The following SLC10A6 variants were observed in gnomAD, a reference collection of about 807,000 sequenced individuals.
SLC10A6 encodes sodium-dependent organic anion transporter.
Under a neutral mutation model 30.0 loss-of-function variants are expected in SLC10A6, and 27 were observed. That is an observed-to-expected ratio of 0.90 (90% CI 0.66 to 1.24). The LOEUF (loss-of-function observed/expected upper bound fraction) is 1.24. Ranked by LOEUF, SLC10A6 falls within the 50% of genes most tolerant of loss-of-function variation. The pLI, the probability that SLC10A6 is intolerant of heterozygous loss-of-function variation, is 0.00. For missense variants in SLC10A6, 439 were observed against 457.0 expected (o/e 0.96, Z 0.36); for synonymous variants, 166 against 173.8 (o/e 0.95, Z 0.36).
intron 1 of SLC10A6, among the ~76,000 whole-genome samples, chr4:86,846,679 T>C (rs1578761819): frequency 2.0e-5 from 3 of 152,086 alleles, no homozygotes; most frequent in African/African-American, 7.2e-5. Context: ...CGAGCCGAGA[T>C]CGCACCATTG....
At chr4:86,828,213 T>C (rs1560458230) in intron 3 of SLC10A6, 45 bp from the exon 4 acceptor site, 1 of 1,584,394 alleles carries the variant, frequency 6.3e-7, no homozygotes, top group South Asian at 1.2e-5. Flanking sequence ...CAGGGTTTTT[T>C]GCTCTATGAT....
chr4:86,837,503 G>T (rs1746222142), intron 1 of SLC10A6: 3 of 635,044 alleles, frequency 4.7e-6, no homozygotes, highest in Admixed American at 6.3e-5. Flanking sequence ...AGAAAAGAAA[G>T]CTCCCAAATG....
rs553840273 is a variant in SLC10A6 at position 86,831,194 on chromosome 4, A to G, written c.585+598T>C. Among the ~76,000 whole-genome samples the G allele has an allele frequency of 1.4e-3, 209 of 152,320 alleles. 1 individual carries two copies. Among genetic ancestry groups the G allele is most frequent in the Non-Finnish European group, 1.3e-3 (90 of 68,022 alleles). ...AGACATTTGCTTGTTTCTCCAGCAG[A>G]CAAAGGGCAGGACTGCAAAGACAAG... On this transcript the variant is annotated intron_variant, in intron 3 of 5. Coordinates refer to ENST00000273905, the MANE Select transcript of SLC10A6 (RefSeq NM_197965.3).
In SLC10A6 at chr4:86,828,024, G is replaced by A. The variant is rs147765094; in HGVS notation, c.730C>T (p.Leu244=). The A allele has an allele frequency of 5.6e-6, 9 of 1,613,688 alleles. No homozygotes were observed. The highest frequency in any genetic ancestry group is 1.3e-5 in the African/African-American group (1 of 74,876). The change falls in exon 4 of 6, where the codon CTG becomes TTG. Residue 244 remains leucine (L), a synonymous_variant. Transcript: ENST00000273905. ...CAAGACTGGTGGGTAAAAAGTGCCA[G>A]CAGAAAACCCGTGACATGGCCAATC... The part of the protein sequence containing the change: ...PLIGHVTGFL[L]ALFTHQSWQR...
intron 1 of SLC10A6, among the ~76,000 whole-genome samples, chr4:86,842,807 T>TTTCC (rs1452615311): frequency 8.9e-5 from 1 of 11,254 alleles, no homozygotes. Context: ...TCTTTCTTTC[T>TTTCC]TTCTTTCTTT....
chr4:86,837,294 G>GAAAAAGA (rs1560460401), intron 1 of SLC10A6, among the ~76,000 whole-genome samples: 48 of 68,676 alleles, frequency 7.0e-4, no homozygotes, highest in Admixed American at 1.0e-3. Context: ...AAAAAGAAAG[G>GAAAAAGA]AAGGAAGGAA....
intron 1 of SLC10A6, among the ~76,000 whole-genome samples, chr4:86,843,272 G>A (rs1278483897): frequency 1.3e-5 from 2 of 152,078 alleles, no homozygotes. Flanking sequence ...CTACCTGGCT[G>A]GTACTGTGCA....
intron 1 of SLC10A6, among the ~76,000 whole-genome samples, chr4:86,845,546 T>G (rs1034664358): frequency 6.6e-6 from 1 of 152,182 alleles, no homozygotes; most frequent in African/African-American, 2.4e-5. Flanking sequence ...GGTCAGGATT[T>G]GAATATAGGC....
rs147128571 is a variant in SLC10A6, at chr4:86,824,776, C to T, written c.919+644G>A. 3.6e-3 allele frequency among the ~76,000 whole-genome samples: 541 copies of T among 152,158 alleles called. 3 individuals are homozygous for T. Among genetic ancestry groups the T allele is most frequent in the African/African-American group, 0.012 (515 of 41,512 alleles). On this transcript the variant is annotated intron_variant, in intron 5 of 5. Coordinates refer to ENST00000273905, the MANE Select transcript of SLC10A6 (RefSeq NM_197965.3). ...TTTCTATTATTGCCATCTTTATGTC[C>T]ATGAGCACCCAATGTTTAGCTCCCA... is the stretch of plus-strand genomic sequence containing the variant.
At chr4:86,824,740 G>T (rs987948493) in intron 5 of SLC10A6, among the ~76,000 whole-genome samples, 1 of 151,912 alleles carries the variant, frequency 6.6e-6, no homozygotes, top group Non-Finnish European at 1.5e-5. Context: ...CCCTCTTCTA[G>T]TAGTCCCCAG....
At chr4:86,834,472 C>T (rs1460769369) in intron 1 of SLC10A6, among the ~76,000 whole-genome samples, 1 of 152,148 alleles carries the variant, frequency 6.6e-6, no homozygotes, top group Non-Finnish European at 1.5e-5. Flanking sequence ...TTTTTATGTC[C>T]TTATTCTATT....
In SLC10A6 at chr4:86,849,274, T is replaced by G; in HGVS notation, c.-159A>C. ...GGTGATTCATCCTAATCTGATCAAT[T>G]TTTTCACAAGTGGCATTATAAAAGT... On this transcript the variant is annotated 5_prime_UTR_variant, in exon 1 of 6. Coordinates refer to ENST00000273905, the MANE Select transcript of SLC10A6 (RefSeq NM_197965.3). 1.2e-6 allele frequency: 1 copy of G among 809,568 alleles called. No individual in the cohort carries two copies. Among genetic ancestry groups the G allele is most frequent in the Non-Finnish European group, 1.9e-6 (1 of 521,056 alleles). 50.1% of individuals were successfully genotyped at this position (809,568 alleles called of 1,614,324 possible). A position where few individuals can be genotyped will look rare whatever the true frequency, so the allele number is the denominator to read the frequency against.
At chr4:86,848,589 C>T in intron 1 of SLC10A6, 150 bp downstream of exon 1, 1 of 1,071,540 alleles carries the variant, frequency 9.3e-7, no homozygotes, top group Non-Finnish European at 1.3e-6. Flanking sequence ...GGAAAGCCCA[C>T]CCATGGCTGA....
At position 86,833,319 on chromosome 4, in the gene SLC10A6, A is replaced by T; in HGVS notation, c.483T>A (p.Pro161=). The part of the protein sequence containing the change: ...SWSLQQNLTI[P]YQNIGITLVC... ...GCCCATACAGACCTATGTTCTGATA[A>T]GGAATGGTGAGATTCTGCTGAAGAC... is the stretch of plus-strand genomic sequence containing the variant. Residue 161 remains proline (P), a synonymous_variant, in exon 2 of 6, where the codon CCT becomes CCA. Coordinates refer to ENST00000273905, the MANE Select transcript of SLC10A6 (RefSeq NM_197965.3). 6.2e-7 allele frequency: 1 copy of T among 1,612,804 alleles called. No homozygotes were observed. Among genetic ancestry groups the T allele is most frequent in the Non-Finnish European group, 8.5e-7 (1 of 1,178,774 alleles).
chr4:86,833,283 C>T (rs1477178539), intron 2 of SLC10A6, 23 bp downstream of exon 2: 5 of 1,534,068 alleles, frequency 3.3e-6, no homozygotes, highest in Non-Finnish European at 4.5e-6. Context: ...TGTTAGTCCT[C>T]CATTTCCCAG....
rs114396986 is a variant in SLC10A6, at chr4:86,848,072, T to C, written c.377+667A>G. On this transcript the variant is annotated intron_variant, in intron 1 of 5. Coordinates refer to ENST00000273905, the MANE Select transcript of SLC10A6 (RefSeq NM_197965.3). ...CAGAGGTATTTATCTACACCATAAT[T>C]GGGAATAAGGTCACTGGCTTAAAGG... is the stretch of plus-strand genomic sequence containing the variant. Among the ~76,000 whole-genome samples, 959 of 152,236 alleles carry C rather than the reference T, an allele frequency of 6.3e-3. 11 individuals carry two copies. Among genetic ancestry groups the C allele is most frequent in the African/African-American group, 0.022 (908 of 41,524 alleles).
rs540835416 is a variant in SLC10A6, at chr4:86,823,829, A to G, written c.993T>C (p.His331=). 15 of 1,614,154 alleles carry G rather than the reference A, an allele frequency of 9.3e-6. No individual in the cohort carries two copies. The highest frequency in any genetic ancestry group is 4.5e-5 in the East Asian group (2 of 44,882). The change falls in exon 6 of 6, where the codon CAT becomes CAC. Residue 331 remains histidine, a synonymous_variant. Transcript: ENST00000273905. The stretch of plus-strand genomic sequence containing the variant: ...CTCTGGAAGAAGTCGATTTCCTCGT[A>G]TGGCAGACTTCTGTGCAACCTGAGT... The part of the protein sequence containing the change: ...KKNSGCTEVC[H]TRKSTSSRET...
intron 1 of SLC10A6, among the ~76,000 whole-genome samples, chr4:86,844,477 C>T (rs1024133030): frequency 6.6e-6 from 1 of 152,188 alleles, no homozygotes; most frequent in African/African-American, 2.4e-5. Context: ...GAGGCAAAAT[C>T]GACTTTCCTA....
rs772892498 is a variant in SLC10A6, at chr4:86,828,073, CA to C, written c.680del (p.Leu227ArgfsTer9). On this transcript the variant is annotated frameshift_variant, in exon 4 of 6. Transcript: ENST00000273905. LOFTEE classifies it high-confidence loss of function. ...KGSWNSDITL[L>X]TISFIFPLIG... ...TCAAAGGAAAGATGAAACTGATGGT[CA>C]GAAGGGTGATGTCTGAATTCCAAGA... The C allele has an allele frequency of 6.2e-7, 1 of 1,613,912 alleles. No homozygotes were observed. The highest frequency in any genetic ancestry group is 1.1e-5 in the South Asian group (1 of 91,056).
Sources: allele counts gnomAD v4.1 joint callset (sites outside exome capture counted in the v4.1 genomes callset), GRCh38; gene constraint gnomAD v4.1.1; transcripts MANE v1.5; gene names NCBI Gene and HGNC (gene_info 2026-07-23, HGNC 2026-07-21).